The following USP5 variants were observed in gnomAD, a reference collection of about 807,000 sequenced individuals.
The protein encoded by USP5 is ubiquitin specific peptidase 5, also known as ubiquitin carboxyl-terminal hydrolase 5.
In USP5, 24 loss-of-function variants were observed where a neutral mutation model predicts 102.5. That is an observed-to-expected ratio of 0.23 (90% CI 0.17 to 0.33). The LOEUF (loss-of-function observed/expected upper bound fraction) is 0.33. USP5 is among the 10% of genes least tolerant of loss of function. The probability of loss-of-function intolerance (pLI) is 1.00; values close to 1 mark genes in which losing one functional copy is unlikely to be tolerated. For synonymous variants in USP5, 460 were observed against 434.8 expected, an observed-to-expected ratio of 1.06 and a Z score of -0.72; for missense variants, 753 against 1,122.1, an observed-to-expected ratio of 0.67 and a Z score of 4.70.
In USP5 at chr12:6,852,201, G is replaced by T; in HGVS notation, c.22G>T (p.Ala8Ser). Residue 8 changes from alanine to serine, a missense_variant, in exon 1 of 20, where the codon GCG becomes TCG. Physicochemically the swap from Ala to Ser is moderately conservative, Grantham distance 99. This residue lies in a region of USP5 where 527 missense variants were observed against 816.5 expected (regional missense o/e 0.65). Transcript: ENST00000229268. MAELSEE[A>S]LLSVLPTIRV... ...TGTCATGGCGGAGCTGAGTGAGGAG[G>T]CGCTGCTGTCAGTATTACCGACGAT... 1 of 1,612,422 alleles carries T rather than the reference G, an allele frequency of 6.2e-7. No homozygotes were observed. The highest frequency in any genetic ancestry group is 1.7e-5 in the Admixed American group (1 of 59,810).
chr12:6,852,296 C>A lies in USP5; in HGVS notation c.111+6C>A, dbSNP rs368011648. 6 of 1,603,928 alleles carry A rather than the reference C, an allele frequency of 3.7e-6. No homozygotes were observed. Among genetic ancestry groups the A allele is most frequent in the African/African-American group, 1.3e-5 (1 of 75,022 alleles). On this transcript the variant is annotated splice_donor_region_variant and intron_variant, in intron 1 of 19. Transcript: ENST00000229268. ...CCTTCTCCTTCGACACGCCGGTAAG[C>A]CCATTCCCCACGCCCGCAACGAGCA...
chr12:6,856,362 G>A lies in USP5; in HGVS notation c.496G>A (p.Val166Met). Reference sequence around the variant, plus strand: ...CGACTCAGCCTCCCGCAAGCAGGAGGTGCAGGCATGGGATGGGGAAGTACG... The same window carrying A: ...CGACTCAGCCTCCCGCAAGCAGGAGATGCAGGCATGGGATGGGGAAGTACG... Reference protein sequence around the residue: ...SADSASRKQEVQAWDGEVRQV... With the variant: ...SADSASRKQEMQAWDGEVRQV... Residue 166 changes from valine (V) to methionine (M), a missense_variant, in exon 5 of 20, where the codon GTG (valine) becomes ATG (methionine). Val to Met is a conservative substitution (Grantham distance 21). Around this residue, in one of 3 missense-constraint regions of USP5, gnomAD observed 527 missense variants for 816.5 expected, o/e 0.65. Coordinates refer to ENST00000229268, the MANE Select transcript of USP5 (RefSeq NM_001098536.2). This position sits in a 1 kb window ranked among gnomAD's most constrained non-coding sequence, Gnocchi z 5.6. 1 of 1,614,000 alleles carries A rather than the reference G, an allele frequency of 6.2e-7. No homozygotes were observed. Among genetic ancestry groups the A allele is most frequent in the South Asian group, 1.1e-5 (1 of 91,080 alleles).
In USP5 at chr12:6,864,618, G is replaced by A. The variant is rs1341554014; in HGVS notation, c.2245-104G>A. 10 of 1,316,932 alleles carry A rather than the reference G, an allele frequency of 7.6e-6. No individual in the cohort carries two copies. The South Asian group carries it at 1.4e-4, about 18-fold the overall frequency. 81.6% of individuals were successfully genotyped at this position (1,316,932 alleles called of 1,614,324 possible). A position where few individuals can be genotyped will look rare whatever the true frequency, so the allele number is the denominator to read the frequency against. ...GCAGGAGAAAGGCGTGAACCCGGGA[G>A]GCGGAGCTTGCAGTGAGCCGAGATC... On this transcript the variant is annotated intron_variant, in intron 17 of 19. Coordinates refer to ENST00000229268, the MANE Select transcript of USP5 (RefSeq NM_001098536.2). The surrounding 1 kb of genome is among the most constrained non-coding windows in gnomAD (Gnocchi z 4.8).
At chr12:6,857,797 A>G in intron 7 of USP5, 74 bp downstream of exon 7, 1 of 1,489,548 alleles carries the variant, frequency 6.7e-7, no homozygotes, top group South Asian at 1.1e-5. Flanking sequence ...CCTGAGGCTG[A>G]GGTAGGGTTT....
rs1944326283 is a variant in USP5, at chr12:6,863,147, A to G, written c.1763-39A>G. 1 of 1,566,340 alleles carries G rather than the reference A, an allele frequency of 6.4e-7. No homozygotes were observed. Among genetic ancestry groups the G allele is most frequent in the Non-Finnish European group, 8.6e-7 (1 of 1,157,022 alleles). On this transcript the variant is annotated intron_variant, in intron 14 of 19. Coordinates refer to ENST00000229268, the MANE Select transcript of USP5 (RefSeq NM_001098536.2). The surrounding 1 kb of genome is among the most constrained non-coding windows in gnomAD (Gnocchi z 4.7). Reference sequence around the variant, plus strand: ...GAGGTTCCCGAATCACTTTCCAGGTAGGCCTCCGGGAGCTGCTGAGGTGAC... The same window carrying G: ...GAGGTTCCCGAATCACTTTCCAGGTGGGCCTCCGGGAGCTGCTGAGGTGAC...
chr12:6,861,241 A>C lies in USP5; in HGVS notation c.1498+135A>C. ...CAAGGTTCCAGTCTGGGCCACCAGG[A>C]GTAGGTAGATTAACCTCGTCCAGTG... On this transcript the variant is annotated intron_variant, in intron 12 of 19. Coordinates refer to ENST00000229268, the MANE Select transcript of USP5 (RefSeq NM_001098536.2). The surrounding 1 kb of genome is among the most constrained non-coding windows in gnomAD (Gnocchi z 4.9). 6.9e-7 allele frequency: 1 copy of C among 1,455,672 alleles called. No individual in the cohort carries two copies. The highest frequency in any genetic ancestry group is 9.2e-7 in the Non-Finnish European group (1 of 1,083,988). The allele number at this position is 1,455,672 out of a possible 1,614,324, so 90.2% of individuals were successfully genotyped here. A position where few individuals can be genotyped will look rare whatever the true frequency, so the allele number is the denominator to read the frequency against.
rs1944271640 is a variant in USP5, at chr12:6,861,363, A to G, written c.1499-80A>G. 1 of 1,465,258 alleles carries G rather than the reference A, an allele frequency of 6.8e-7. No individual in the cohort carries two copies. Among genetic ancestry groups the G allele is most frequent in the Admixed American group, 2.2e-5 (1 of 45,652 alleles). The allele number at this position is 1,465,258 out of a possible 1,614,324, so 90.8% of individuals were successfully genotyped here. A position where few individuals can be genotyped will look rare whatever the true frequency, so the allele number is the denominator to read the frequency against. On this transcript the variant is annotated intron_variant, in intron 12 of 19. Transcript: ENST00000229268. This position sits in a 1 kb window ranked among gnomAD's most constrained non-coding sequence, Gnocchi z 4.9. ...GAAGGGTAGAGGAACTGAAATACGG[A>G]CACAGAGCCAGTAGGGAGAGGCTAA...
chr12:6,852,309 C>T lies in USP5; in HGVS notation c.111+19C>T, dbSNP rs989281746. The T allele has an allele frequency of 8.2e-6, 13 of 1,594,226 alleles. No individual in the cohort carries two copies. The highest frequency in any genetic ancestry group is 2.3e-5 in the East Asian group (1 of 44,326). On this transcript the variant is annotated intron_variant, in intron 1 of 19. Coordinates refer to ENST00000229268, the MANE Select transcript of USP5 (RefSeq NM_001098536.2). ...CACGCCGGTAAGCCCATTCCCCACG[C>T]CCGCAACGAGCACGACTTCCTTCCA...
At chr12:6,865,143 A>C in intron 18 of USP5, 21 bp from the exon 19 acceptor site, 1 of 1,592,728 alleles carries the variant, frequency 6.3e-7, no homozygotes, top group South Asian at 1.1e-5. Flanking sequence ...TCCTTCTCTG[A>C]CCCCCTCTCT....
rs1309254269 is a variant in USP5, at chr12:6,860,504, A to G, written c.1344+13A>G. 1.9e-6 allele frequency: 3 copies of G among 1,613,292 alleles called. No individual in the cohort carries two copies. Among genetic ancestry groups the G allele is most frequent in the African/African-American group, 2.7e-5 (2 of 74,900 alleles). On this transcript the variant is annotated intron_variant, in intron 11 of 19. Transcript: ENST00000229268. This position sits in a 1 kb window ranked among gnomAD's most constrained non-coding sequence, Gnocchi z 5.5. The stretch of plus-strand genomic sequence containing the variant: ...CAACATGGTGGAGGTAAGGGCTGGC[A>G]AGATGGCACACCCCCATCTTCCTGC...
At position 6,855,639 on chromosome 12, in the gene USP5, A is replaced by T; in HGVS notation, c.237+113A>T. ...TTTGTGTCATTAAAGCTTGGCACAG[A>T]TGTTTTTTAGCTTTATTCCGTTCTG... On this transcript the variant is annotated intron_variant, in intron 2 of 19. Coordinates refer to ENST00000229268, the MANE Select transcript of USP5 (RefSeq NM_001098536.2). This position sits in a 1 kb window ranked among gnomAD's most constrained non-coding sequence, Gnocchi z 4.6. 4.4e-6 allele frequency: 7 copies of T among 1,586,366 alleles called. No homozygotes were observed. The highest frequency in any genetic ancestry group is 6.0e-6 in the Non-Finnish European group (7 of 1,166,026).
chr12:6,856,630 C>G lies in USP5; in HGVS notation c.585-77C>G. 5 of 1,558,170 alleles carry G rather than the reference C, an allele frequency of 3.2e-6. No homozygotes were observed. Among genetic ancestry groups the G allele is most frequent in the Non-Finnish European group, 4.3e-6 (5 of 1,153,632 alleles). On this transcript the variant is annotated intron_variant, in intron 5 of 19. Transcript: ENST00000229268. This position sits in a 1 kb window ranked among gnomAD's most constrained non-coding sequence, Gnocchi z 5.6. The stretch of plus-strand genomic sequence containing the variant: ...GAGAGACCTTGGATTGGCGGGGGGC[C>G]TGCAGAGCCCTCTCTCTCTGCCACT...
chr12:6,864,242 G>A lies in USP5; in HGVS notation c.2244+47G>A, dbSNP rs782355202. 6.5e-7 allele frequency: 1 copy of A among 1,535,568 alleles called. No homozygotes were observed. The highest frequency in any genetic ancestry group is 8.8e-7 in the Non-Finnish European group (1 of 1,141,260). On this transcript the variant is annotated intron_variant, in intron 17 of 19. Coordinates refer to ENST00000229268, the MANE Select transcript of USP5 (RefSeq NM_001098536.2). This position sits in a 1 kb window ranked among gnomAD's most constrained non-coding sequence, Gnocchi z 4.8. The stretch of plus-strand genomic sequence containing the variant: ...GACATGGGGCCAGTGGGGAAGAAGG[G>A]GGTGGGAATGAGGGGCCATCCTTCT...
chr12:6,855,283 T>G lies in USP5; in HGVS notation c.112-118T>G. 1 of 1,393,440 alleles carries G rather than the reference T, an allele frequency of 7.2e-7. No individual in the cohort carries two copies. Among genetic ancestry groups the G allele is most frequent in the South Asian group, 1.3e-5 (1 of 74,560 alleles). The allele number at this position is 1,393,440 out of a possible 1,614,324, so 86.3% of individuals were successfully genotyped here. On this transcript the variant is annotated intron_variant, in intron 1 of 19. Transcript: ENST00000229268. This position sits in a 1 kb window ranked among gnomAD's most constrained non-coding sequence, Gnocchi z 4.6. ...ATAACTTGCCAAGGGCCACACAGTG[T>G]TAGAGAACAGAACATTTCTTCTGGA...
rs915256659 is a variant in USP5, at chr12:6,861,903, C to T, written c.1673+286C>T. On this transcript the variant is annotated intron_variant, in intron 13 of 19. Transcript: ENST00000229268. The surrounding 1 kb of genome is among the most constrained non-coding windows in gnomAD (Gnocchi z 4.9). ...ATTGCCCCTCAGTCATGGCTGAGCA[C>T]AGGCACTTAGGATCAGCTGTGGGCA... 2.2e-4 allele frequency among the ~76,000 whole-genome samples: 33 copies of T among 152,194 alleles called. No homozygotes were observed. Among genetic ancestry groups the T allele is most frequent in the Non-Finnish European group, 1.6e-4 (11 of 68,038 alleles).
At chr12:6,859,354 G>A in intron 8 of USP5, 116 bp from the exon 9 acceptor site, 1 of 997,314 alleles carries the variant, frequency 1.0e-6, no homozygotes, top group Non-Finnish European at 1.5e-6. Flanking sequence ...TTCACCCACA[G>A]CAACTCCCCA....
chr12:6,861,984 A>T lies in USP5; in HGVS notation c.1673+367A>T, dbSNP rs1434680699. ...TTGAGCCTAGCCATTGGCACCTGGC[A>T]TGGGTGTGAGACCTGAAAAAGGGCT... On this transcript the variant is annotated intron_variant, in intron 13 of 19. Transcript: ENST00000229268. This position sits in a 1 kb window ranked among gnomAD's most constrained non-coding sequence, Gnocchi z 4.9. Among the ~76,000 whole-genome samples the T allele has an allele frequency of 1.3e-5, 2 of 151,848 alleles. No individual in the cohort carries two copies. Among genetic ancestry groups the T allele is most frequent in the African/African-American group, 2.4e-5 (1 of 41,330 alleles).
In USP5 at chr12:6,860,692, A is replaced by G. The variant is rs1160063779; in HGVS notation, c.1344+201A>G. Among the ~76,000 whole-genome samples, 1 of 152,236 alleles carries G rather than the reference A, an allele frequency of 6.6e-6. No individual in the cohort carries two copies. The highest frequency in any genetic ancestry group is 1.5e-5 in the Non-Finnish European group (1 of 68,044). The stretch of plus-strand genomic sequence containing the variant: ...TTGATGGGCTTGAAGCCCAATTCAG[A>G]TTATGCCCAAAGACAATGATAAGAG... On this transcript the variant is annotated intron_variant, in intron 11 of 19. Coordinates refer to ENST00000229268, the MANE Select transcript of USP5 (RefSeq NM_001098536.2). The surrounding 1 kb of genome is among the most constrained non-coding windows in gnomAD (Gnocchi z 5.5).
Position 6,861,440 on chromosome 12 carries a change from C to A in USP5, c.1499-3C>A. 6.4e-7 allele frequency: 1 copy of A among 1,565,216 alleles called. No homozygotes were observed. Among genetic ancestry groups the A allele is most frequent in the Non-Finnish European group, 8.7e-7 (1 of 1,148,570 alleles). On this transcript the variant is annotated splice_region_variant and splice_polypyrimidine_tract_variant and intron_variant, in intron 12 of 19. Transcript: ENST00000229268. This position sits in a 1 kb window ranked among gnomAD's most constrained non-coding sequence, Gnocchi z 4.9. ...AGGATCCACCAACCCATTCTGTCAC[C>A]AGAGGAGCTTCTGGAGTACGAGGAG...
Sources: allele counts gnomAD v4.1 joint callset (sites outside exome capture counted in the v4.1 genomes callset), GRCh38; gene constraint gnomAD v4.1.1; regional missense constraint gnomAD v4.1.1; non-coding constraint Gnocchi (gnomAD v3.1); transcripts MANE v1.5; gene names NCBI Gene and HGNC (gene_info 2026-07-23, HGNC 2026-07-21).